FAM186A: variants seen among roughly 807,000 people sequenced by gnomAD.
FAM186A encodes the protein protein FAM186A.
Under a neutral mutation model 216.8 loss-of-function variants are expected in FAM186A, and 163 were observed. That is an observed-to-expected ratio of 0.75 (90% confidence interval 0.66 to 0.86). The LOEUF (loss-of-function observed/expected upper bound fraction) is 0.86, where lower values mean the gene tolerates loss of function less well. Among genes scored for constraint, FAM186A ranks in the 40% least tolerant of loss-of-function variants. FAM186A has a pLI of 0.00. For missense variants in FAM186A, 2,184 were observed against 2,746.2 expected (o/e 0.80, Z 4.58); for synonymous variants, 805 against 1,025.3 (o/e 0.79, Z 4.10).
At chr12:50,373,076 A>G (rs982164034) in intron 1 of FAM186A, among the ~76,000 whole-genome samples, 1 of 143,026 alleles carries the variant, frequency 7.0e-6, no homozygotes, top group Non-Finnish European at 1.5e-5. Context: ...AGAAAGAAAG[A>G]GAAAAGAAAG....
chr12:50,367,979 CTACAAAAA>C (rs1469755826), intron 1 of FAM186A, among the ~76,000 whole-genome samples: 1 of 150,792 alleles, frequency 6.6e-6, no homozygotes, highest in East Asian at 1.9e-4. Context: ...AACCCTGTGT[CTACAAAAA>C]TACAAAAATT....
intron 1 of FAM186A, among the ~76,000 whole-genome samples, chr12:50,393,422 G>T (rs1026163149): frequency 1.3e-5 from 2 of 151,736 alleles, no homozygotes; most frequent in Non-Finnish European, 2.9e-5. Context: ...CTGTTGTCTA[G>T]TCTCAGCTGC....
At chr12:50,385,357 G>T (rs1474932692) in intron 1 of FAM186A, among the ~76,000 whole-genome samples, 29 of 148,662 alleles carry the variant, frequency 2.0e-4, no homozygotes, top group Non-Finnish European at 4.3e-4. Context: ...GGCAGAGGTT[G>T]CAGTGAGCTG....
chr12:50,333,390 G>A (rs1226359291), intron 5 of FAM186A, among the ~76,000 whole-genome samples: 2 of 152,026 alleles, frequency 1.3e-5, no homozygotes, highest in Non-Finnish European at 2.9e-5. Context: ...AATTTAGCTG[G>A]GCATGGTGGT....
Position 50,353,526 on chromosome 12 carries a change from C to T in FAM186A, c.3306G>A (p.Gln1102=), listed in dbSNP as rs1324062720. 1 of 1,538,060 alleles carries T rather than the reference C, an allele frequency of 6.5e-7. No homozygotes were observed. The highest frequency in any genetic ancestry group is 2.4e-5 in the East Asian group (1 of 40,822). Residue 1102 remains glutamine, a synonymous_variant, in exon 4 of 8, where the codon CAG becomes CAA. Coordinates refer to ENST00000327337, the MANE Select transcript of FAM186A (RefSeq NM_001145475.3). ...AQAQGITLTL[Q]QAQELGIPLT... is the part of the protein sequence containing the mutation. ...GAGGGATCCCTAGTTCCTGGGCCTG[C>T]TGAAGGGTGAGCGTGATCCCCTGAG...
chr12:50,333,170 C>T (rs1274638730), intron 5 of FAM186A, among the ~76,000 whole-genome samples: 2 of 152,130 alleles, frequency 1.3e-5, no homozygotes, highest in Non-Finnish European at 2.9e-5. Context: ...ATAAATTAAT[C>T]GATTTTAAGG....
intron 1 of FAM186A, among the ~76,000 whole-genome samples, chr12:50,383,278 AAG>A (rs750922300): frequency 0.14 from 7,011 of 49,060 alleles, 949 homozygotes; most frequent in African/African-American, 0.23. Flanking sequence ...AAAAAAAAAA[AAG>A]AGAGAGAGAG....
intron 1 of FAM186A, among the ~76,000 whole-genome samples, chr12:50,375,294 T>C (rs924437611): frequency 2.0e-5 from 3 of 152,120 alleles, no homozygotes; most frequent in Non-Finnish European, 2.9e-5. Context: ...ATGCCTGTAA[T>C]CCCAGCAATT....
At chr12:50,337,882 A>C (rs1368716375) in intron 4 of FAM186A, among the ~76,000 whole-genome samples, 1 of 148,884 alleles carries the variant, frequency 6.7e-6, no homozygotes, top group African/African-American at 2.5e-5. Flanking sequence ...GCGACAGAGC[A>C]AGACTTCGTC....
In FAM186A at chr12:50,354,587, G is replaced by A. The variant is rs765054273; in HGVS notation, c.2245C>T (p.Pro749Ser). The part of the protein sequence containing the change: ...TKKEEQVGEK[P>S]IKQKKVVSFM... The stretch of plus-strand genomic sequence containing the variant: ...GAGACTACCTTTTTTTGTTTTATAG[G>A]TTTCTCTCCAACTTGTTCTTCCTTT... The change falls in exon 4 of 8, where the codon CCT (proline) becomes TCT (serine). Residue 749 changes from proline (P) to serine (S), a missense_variant. This residue lies in a region of FAM186A where 1,132 missense variants were observed against 1,263.4 expected (regional missense o/e 0.90). Transcript: ENST00000327337. The A allele has an allele frequency of 1.1e-5, 17 of 1,549,838 alleles. No homozygotes were observed. The highest frequency in any genetic ancestry group is 1.3e-5 in the Non-Finnish European group (15 of 1,146,632).
intron 4 of FAM186A, among the ~76,000 whole-genome samples, chr12:50,346,201 A>AAGAGAGAGAG (rs71083536): frequency 0.051 from 3,845 of 76,054 alleles, 258 homozygotes; most frequent in African/African-American, 0.057. Flanking sequence ...GAAAGAAAGA[A>AAGAGAGAGAG]AGAGAGAGAG....
intron 3 of FAM186A, among the ~76,000 whole-genome samples, chr12:50,359,320 C>CA (rs1423042103): frequency 1.3e-5 from 2 of 152,034 alleles, no homozygotes; most frequent in African/African-American, 4.8e-5. Context: ...ATCACTTGAA[C>CA]CCGGGAGGTG....
chr12:50,335,932 T>C (rs528611415), intron 4 of FAM186A, among the ~76,000 whole-genome samples: 121 of 152,100 alleles, frequency 8.0e-4, no homozygotes, highest in African/African-American at 2.8e-3. Context: ...CAGACCAGAC[T>C]GACCAACATG....
chr12:50,359,588 A>G (rs1019116852), intron 3 of FAM186A, among the ~76,000 whole-genome samples: 13 of 152,190 alleles, frequency 8.5e-5, no homozygotes, highest in Non-Finnish European at 1.9e-4. Context: ...CCCCAAAAAA[A>G]ATGGGTAAAT....
chr12:50,369,612 C>T (rs1943122766), intron 1 of FAM186A, among the ~76,000 whole-genome samples: 1 of 151,792 alleles, frequency 6.6e-6, no homozygotes, highest in African/African-American at 2.4e-5. Context: ...AAAATATTTG[C>T]AAATTGTATA....
In FAM186A at chr12:50,355,831, T is replaced by C; in HGVS notation, c.1001A>G (p.Lys334Arg). ...TGCATATAGTTGTTCTATAACAATT[T>C]TGGATCGAATAAGTTGTTCACATTT... is the stretch of plus-strand genomic sequence containing the variant. ...EEKCEQLIRSKIVIEQLYAKL... is the reference protein window; with the variant it reads ...EEKCEQLIRSRIVIEQLYAKL... Residue 334 changes from lysine to arginine, a missense_variant, in exon 4 of 8, where the codon AAA becomes AGA. Around this residue, in one of 7 missense-constraint regions of FAM186A, gnomAD observed 1,132 missense variants for 1,263.4 expected, o/e 0.90. Transcript: ENST00000327337. 5 of 1,551,456 alleles carry C rather than the reference T, an allele frequency of 3.2e-6. No homozygotes were observed. Among genetic ancestry groups the C allele is most frequent in the Non-Finnish European group, 2.6e-6 (3 of 1,146,960 alleles).
Position 50,351,724 on chromosome 12 carries a change from AG to A in FAM186A, c.5107del (p.Leu1703SerfsTer76). On this transcript the variant is annotated frameshift_variant, in exon 4 of 8. Coordinates refer to ENST00000327337, the MANE Select transcript of FAM186A (RefSeq NM_001145475.3). LOFTEE classifies it high-confidence loss of function. ...LDKAHTLGSP[L>X]TLKQVQWSHR... ...GGACCACTGGACTTGCTTAAGGGTG[AG>A]GGGCGATCCCAAGGTATGGGCTTTA... 6.4e-7 allele frequency: 1 copy of A among 1,551,508 alleles called. No homozygotes were observed. The highest frequency in any genetic ancestry group is 8.7e-7 in the Non-Finnish European group (1 of 1,146,854).
chr12:50,372,994 GGAATGAAAGAAAGAAAGAAAGAAA>G lies in FAM186A; in HGVS notation c.193-9654_193-9631del, dbSNP rs1246296082. Among the ~76,000 whole-genome samples, 209 of 59,516 alleles carry G rather than the reference GGAATGAAAGAAAGAAAGAAAGAAA, an allele frequency of 3.5e-3. 4 individuals carry two copies. The highest frequency in any genetic ancestry group is 0.022 in the Middle Eastern group (3 of 134). 39.0% of individuals were successfully genotyped at this position (59,516 alleles called of 152,430 possible). A position where few individuals can be genotyped will look rare whatever the true frequency, so the allele number is the denominator to read the frequency against. Reference sequence around the variant, plus strand: ...AGGGACGGAGGGAGGAAGGAAGGAAGGAATGAAAGAAAGAAAGAAAGAAAGAAAGAAAGAAAGAAAGAAAGAAAG... The same window carrying G: ...AGGGACGGAGGGAGGAAGGAAGGAAGGAAAGAAAGAAAGAAAGAAAGAAAG... On this transcript the variant is annotated intron_variant, in intron 1 of 7. Transcript: ENST00000327337.
At chr12:50,379,414 T>C (rs1943231745) in intron 1 of FAM186A, among the ~76,000 whole-genome samples, 1 of 132,398 alleles carries the variant, frequency 7.6e-6, no homozygotes, top group South Asian at 2.3e-4. Flanking sequence ...CACTCCAGCC[T>C]GGTCAACAGA....
Sources: allele counts gnomAD v4.1 joint callset (sites outside exome capture counted in the v4.1 genomes callset), GRCh38; gene constraint gnomAD v4.1.1; regional missense constraint gnomAD v4.1.1; transcripts MANE v1.5; gene names NCBI Gene and HGNC (gene_info 2026-07-23, HGNC 2026-07-21).